The following SLC7A6 variants were observed in gnomAD, a reference collection of about 807,000 sequenced individuals.
SLC7A6 encodes the protein Y+L amino acid transporter 2.
A neutral mutation model predicts 46.6 loss-of-function variants in SLC7A6; 29 were observed. The ratio of observed to expected loss-of-function variants is 0.62; its 90% CI spans 0.46 to 0.85. The LOEUF (loss-of-function observed/expected upper bound fraction) is 0.85. SLC7A6 is among the 40% of genes least tolerant of loss of function. The pLI, the probability that SLC7A6 is intolerant of heterozygous loss-of-function variation, is 0.00. For missense variants in SLC7A6, 527 were observed against 647.6 expected (o/e 0.81, Z 2.02); for synonymous variants, 276 against 257.3 (o/e 1.07, Z -0.70).
At position 68,300,939 on chromosome 16, in the gene SLC7A6, T is replaced by C. The variant is rs1189850652; in HGVS notation, c.*3611T>C. On this transcript the variant is annotated 3_prime_UTR_variant, in exon 11 of 11. Coordinates refer to ENST00000219343, the MANE Select transcript of SLC7A6 (RefSeq NM_003983.6). The stretch of plus-strand genomic sequence containing the variant: ...TGCTAATGAAATGGGAACCTCCCCC[T>C]CCCTTGTGGTTTCAGCACAGAACCT... 1 of 1,008,136 alleles carries C rather than the reference T, an allele frequency of 9.9e-7. No individual in the cohort carries two copies. The highest frequency in any genetic ancestry group is 1.7e-5 in the African/African-American group (1 of 58,064). 62.4% of individuals were successfully genotyped at this position (1,008,136 alleles called of 1,614,324 possible).
Position 68,287,688 on chromosome 16 carries a change from G to A in SLC7A6, c.524-58G>A, listed in dbSNP as rs557966436. 3.0e-5 allele frequency: 48 copies of A among 1,590,806 alleles called. No individual in the cohort carries two copies. In the African/African-American group the frequency reaches 4.5e-4, roughly 15 times the overall value. ...GAAAGAGTGCTCTCTGTAAAGAGGG[G>A]TTGGGCCCCTGTGCCCTCAACTCAA... On this transcript the variant is annotated intron_variant, in intron 3 of 10. Coordinates refer to ENST00000219343, the MANE Select transcript of SLC7A6 (RefSeq NM_003983.6).
intron 3 of SLC7A6, among the ~76,000 whole-genome samples, chr16:68,280,072 A>G (rs2042800588): frequency 1.3e-5 from 2 of 152,226 alleles, no homozygotes; most frequent in Non-Finnish European, 2.9e-5. Context: ...TCAGGCTTTC[A>G]ACAGAGCTAG....
rs778700559 is a variant in SLC7A6, at chr16:68,290,380, G to C, written c.650-16G>C. On this transcript the variant is annotated splice_polypyrimidine_tract_variant and intron_variant, in intron 4 of 10. Coordinates refer to ENST00000219343, the MANE Select transcript of SLC7A6 (RefSeq NM_003983.6). ...TTCCTTCTCTCTGAACCCCTCACCT[G>C]CCTTTGCCCCCACAGGACACTCTGA... The C allele has an allele frequency of 1.9e-6, 3 of 1,613,072 alleles. No homozygotes were observed. The Admixed American group carries it at 5.0e-5, about 27-fold the overall frequency.
chr16:68,276,532 A>G (rs142618621), intron 3 of SLC7A6, among the ~76,000 whole-genome samples: 312 of 152,276 alleles, frequency 2.0e-3, no homozygotes, highest in Non-Finnish European at 3.6e-3. Flanking sequence ...GGAATTTGTT[A>G]AAGACAAATT....
Position 68,274,932 on chromosome 16 carries a change from G to A in SLC7A6, c.206G>A (p.Gly69Asp). The change falls in exon 3 of 11, where the codon GGT (glycine) becomes GAT (aspartate). Residue 69 changes from glycine to aspartate, a missense_variant. Transcript: ENST00000219343. The stretch of plus-strand genomic sequence containing the variant: ...TCAGGGATCTTTGTCTCACCCAAGG[G>A]TGTGCTGGTACACACTGCCTCCTAT... ...IGSGIFVSPK[G>D]VLVHTASYGM... 1 of 1,614,224 alleles carries A rather than the reference G, an allele frequency of 6.2e-7. No homozygotes were observed. The highest frequency in any genetic ancestry group is 1.1e-5 in the South Asian group (1 of 91,088).
chr16:68,273,987 C>T (rs1035152624), intron 2 of SLC7A6: 2 of 152,280 alleles, frequency 1.3e-5, no homozygotes, highest in Admixed American at 6.5e-5. Context: ...GTCTCGATCT[C>T]CTGACCTTGT....
intron 10 of SLC7A6, 83 bp from the exon 11 acceptor site, chr16:68,297,151 T>C: frequency 1.5e-6 from 2 of 1,304,850 alleles, no homozygotes; most frequent in South Asian, 1.3e-5. Context: ...GAGGGAGCCA[T>C]AGATGTTACT....
At position 68,291,303 on chromosome 16, in the gene SLC7A6, G is replaced by T; in HGVS notation, c.889G>T (p.Asp297Tyr). 1 of 1,614,178 alleles carries T rather than the reference G, an allele frequency of 6.2e-7. No individual in the cohort carries two copies. Among genetic ancestry groups the T allele is most frequent in the Non-Finnish European group, 8.5e-7 (1 of 1,180,040 alleles). ...CTATTACACAGTGCTGAACATTTCA[G>T]ATGTCCTTAGCAGTGATGCTGTGGC... ...VAYYTVLNIS[D>Y]VLSSDAVAVT... Residue 297 changes from aspartate (D) to tyrosine (Y), a missense_variant, in exon 6 of 11, where the codon GAT (aspartate) becomes TAT (tyrosine). By Grantham distance (160) the Asp-to-Tyr change is radical. Transcript: ENST00000219343.
intron 7 of SLC7A6, among the ~76,000 whole-genome samples, chr16:68,293,125 CAT>C (rs775514290): frequency 5.3e-5 from 8 of 152,268 alleles, no homozygotes; most frequent in African/African-American, 9.6e-5. Context: ...TGTAAAAGAA[CAT>C]AGTGTCCAGC....
In SLC7A6 at chr16:68,294,741, G is replaced by A. The variant is rs774298366; in HGVS notation, c.1059G>A (p.Pro353=). 1.2e-5 allele frequency: 20 copies of A among 1,613,894 alleles called. No individual in the cohort carries two copies. In the South Asian group the frequency reaches 1.6e-4, roughly 13 times the overall value. ...TGGGCTCCCGGGAGGGCCACCTACC[G>A]GACCTTCTGTCCATGATCCACATTG... ...FFVGSREGHL[P]DLLSMIHIER... Residue 353 remains proline, a synonymous_variant, in exon 8 of 11, where the codon CCG becomes CCA. Transcript: ENST00000219343.
intron 2 of SLC7A6, among the ~76,000 whole-genome samples, chr16:68,271,066 T>C (rs2042616198): frequency 6.6e-6 from 1 of 152,166 alleles, no homozygotes; most frequent in Admixed American, 6.6e-5. Context: ...TCCAGGCTGG[T>C]CTCGGACTCC....
chr16:68,271,181 C>T lies in SLC7A6; in HGVS notation c.-36-3510C>T, dbSNP rs151216803. Among the ~76,000 whole-genome samples, 673 of 151,692 alleles carry T rather than the reference C, an allele frequency of 4.4e-3. 7 individuals carry two copies. The highest frequency in any genetic ancestry group is 0.015 in the African/African-American group (618 of 41,386). ...TTCTTATTTCATTTTTTTATAGAGA[C>T]GGAACCTCCCTATGTTGCCCAGGCT... On this transcript the variant is annotated intron_variant, in intron 2 of 10. Coordinates refer to ENST00000219343, the MANE Select transcript of SLC7A6 (RefSeq NM_003983.6).
chr16:68,278,609 C>A (rs2042762982), intron 3 of SLC7A6, among the ~76,000 whole-genome samples: 1 of 152,030 alleles, frequency 6.6e-6, no homozygotes, highest in African/African-American at 2.4e-5. Flanking sequence ...GCACATGTTT[C>A]AGAGAGCACC....
chr16:68,269,582 C>T (rs1158816628), intron 2 of SLC7A6, among the ~76,000 whole-genome samples: 3 of 151,918 alleles, frequency 2.0e-5, no homozygotes, highest in Non-Finnish European at 4.4e-5. Context: ...CAGTGGTTAT[C>T]CTCCATCCAT....
intron 2 of SLC7A6, 26 bp from the exon 3 acceptor site, chr16:68,274,665 A>G (rs537183356): frequency 1.2e-5 from 19 of 1,590,702 alleles, no homozygotes; most frequent in African/African-American, 1.3e-5. Flanking sequence ...CCTGCCCTAG[A>G]CTGACATACT....
intron 4 of SLC7A6, among the ~76,000 whole-genome samples, chr16:68,288,228 G>A (rs781580906): frequency 2.4e-4 from 36 of 152,218 alleles, no homozygotes; most frequent in Non-Finnish European, 1.8e-4. Flanking sequence ...CAAGCTACAA[G>A]TAGGAAGACT....
chr16:68,294,887 C>T (rs2043132231), intron 8 of SLC7A6, 86 bp downstream of exon 8: 1 of 844,210 alleles, frequency 1.2e-6, no homozygotes, highest in Admixed American at 2.0e-5. Context: ...AAGAGGGACC[C>T]TGAGAAAGGC....
At chr16:68,288,532 C>CA (rs1173212241) in intron 4 of SLC7A6, among the ~76,000 whole-genome samples, 1 of 152,124 alleles carries the variant, frequency 6.6e-6, no homozygotes, top group East Asian at 1.9e-4. Flanking sequence ...ACAGATATCT[C>CA]AATCATTTCA....
chr16:68,285,858 G>A (rs763051553), intron 3 of SLC7A6, among the ~76,000 whole-genome samples: 4 of 152,020 alleles, frequency 2.6e-5, no homozygotes, highest in Non-Finnish European at 4.4e-5. Context: ...ATGGGAGGCT[G>A]AGGCAGGAGG....
Sources: allele counts gnomAD v4.1 joint callset (sites outside exome capture counted in the v4.1 genomes callset), GRCh38; gene constraint gnomAD v4.1.1; transcripts MANE v1.5; gene names NCBI Gene and HGNC (gene_info 2026-07-23, HGNC 2026-07-21).